Variants in VEPH1 observed in about 807,000 individuals in gnomAD.
VEPH1 encodes ventricular zone-expressed PH domain-containing protein homolog 1.
Under a neutral mutation model 85.2 loss-of-function variants are expected in VEPH1, and 80 were observed. The ratio of observed to expected loss-of-function variants is 0.94; its 90% confidence interval spans 0.78 to 1.13. The LOEUF (loss-of-function observed/expected upper bound fraction) is 1.13, where lower values mean the gene tolerates loss of function less well. VEPH1 is among the 50% of genes most tolerant of loss of function. VEPH1 has a pLI of 0.00. For synonymous variants in VEPH1, 297 were observed against 348.0 expected (o/e 0.85, Z 1.63); for missense variants, 955 against 980.5 (o/e 0.97, Z 0.35).
intron 4 of VEPH1, among the ~76,000 whole-genome samples, chr3:157,434,211 C>T (rs962247613): frequency 6.6e-6 from 1 of 152,082 alleles, no homozygotes; most frequent in African/African-American, 2.4e-5. Context: ...CTCTTCCTCC[C>T]CTCCAATTTA....
intron 6 of VEPH1, among the ~76,000 whole-genome samples, chr3:157,383,807 T>C (rs892303682): frequency 3.3e-5 from 5 of 152,226 alleles, no homozygotes; most frequent in Admixed American, 1.3e-4. Flanking sequence ...AATATGTTCC[T>C]GGAGACCCTG....
intron 6 of VEPH1, among the ~76,000 whole-genome samples, chr3:157,410,982 T>G (rs1482916378): frequency 6.6e-6 from 1 of 152,188 alleles, no homozygotes; most frequent in Non-Finnish European, 1.5e-5. Context: ...CATGCTCCAG[T>G]CTGCCTTGCA....
intron 5 of VEPH1, among the ~76,000 whole-genome samples, chr3:157,427,898 C>T (rs1047586993): frequency 1.8e-4 from 28 of 152,164 alleles, no homozygotes; most frequent in African/African-American, 6.3e-4. Flanking sequence ...AGCAGATTGC[C>T]CCTGCAATAT....
At chr3:157,416,313 T>G (rs1731906194) in intron 5 of VEPH1, among the ~76,000 whole-genome samples, 1 of 152,146 alleles carries the variant, frequency 6.6e-6, no homozygotes, top group Admixed American at 6.5e-5. Context: ...TAACTAAAAT[T>G]ATCCTATATA....
At chr3:157,442,419 G>A (rs776081317) in intron 4 of VEPH1, 49 of 1,613,830 alleles carry the variant, frequency 3.0e-5, no homozygotes, top group African/African-American at 9.3e-5. Context: ...TTTTGGAAGC[G>A]TGCATCCAGT....
intron 9 of VEPH1, among the ~76,000 whole-genome samples, chr3:157,345,097 C>G (rs571493449): frequency 6.6e-6 from 1 of 152,052 alleles, no homozygotes; most frequent in Non-Finnish European, 1.5e-5. Context: ...TAGGCAATAC[C>G]ATTCAGGACA....
intron 4 of VEPH1, among the ~76,000 whole-genome samples, chr3:157,454,009 T>A (rs1735174627): frequency 6.6e-6 from 1 of 152,218 alleles, no homozygotes; most frequent in Non-Finnish European, 1.5e-5. Context: ...GAAAAAGCAT[T>A]TTTTAAAAAC....
At chr3:157,376,813 C>A (rs1057293072) in intron 7 of VEPH1, among the ~76,000 whole-genome samples, 1 of 152,130 alleles carries the variant, frequency 6.6e-6, no homozygotes, top group Non-Finnish European at 1.5e-5. Flanking sequence ...TAAAATCTGG[C>A]CTGCTGGGCT....
At chr3:157,321,843 T>C (rs1242902154) in intron 9 of VEPH1, among the ~76,000 whole-genome samples, 1 of 152,198 alleles carries the variant, frequency 6.6e-6, no homozygotes, top group East Asian at 1.9e-4. Flanking sequence ...TTAATTTGCT[T>C]ATTAACTTTC....
Position 157,272,240 on chromosome 3 carries a change from TCTTCCTTCCTTCCTTCCTTC to T in VEPH1, c.2129-6598_2129-6579del, listed in dbSNP as rs59176910. ...TTTCCTGGGTGTTTGTCTCTTTTCT[TCTTCCTTCCTTCCTTCCTTC>T]CTTCCTTCCTTCCTTCCTTCCTTCC... On this transcript the variant is annotated intron_variant, in intron 12 of 13. Coordinates refer to ENST00000362010, the MANE Select transcript of VEPH1 (RefSeq NM_001167912.2). Among the ~76,000 whole-genome samples, 945 of 137,308 alleles carry T rather than the reference TCTTCCTTCCTTCCTTCCTTC, an allele frequency of 6.9e-3. 20 individuals are homozygous for T. Among genetic ancestry groups the T allele is most frequent in the African/African-American group, 0.024 (882 of 36,196 alleles). The allele number at this position is 137,308 out of a possible 152,430, so 90.1% of individuals were successfully genotyped here.
chr3:157,369,920 G>A (rs1256522457), intron 7 of VEPH1, among the ~76,000 whole-genome samples: 1 of 152,144 alleles, frequency 6.6e-6, no homozygotes, highest in South Asian at 2.1e-4. Context: ...TCATAGAGTG[G>A]TGGGGGCAGG....
At chr3:157,344,389 C>T (rs933097525) in intron 9 of VEPH1, among the ~76,000 whole-genome samples, 2 of 152,048 alleles carry the variant, frequency 1.3e-5, no homozygotes, top group Non-Finnish European at 2.9e-5. Context: ...CAATAACAGA[C>T]AAACAGAGAG....
intron 12 of VEPH1, among the ~76,000 whole-genome samples, chr3:157,267,101 TC>T (rs376501666): frequency 1.8e-4 from 19 of 106,494 alleles, no homozygotes; most frequent in African/African-American, 5.0e-4. Flanking sequence ...TTCTTTTTTT[TC>T]TTTTTTTTTT....
intron 5 of VEPH1, among the ~76,000 whole-genome samples, chr3:157,416,471 G>A (rs1282892847): frequency 6.6e-6 from 1 of 152,176 alleles, no homozygotes; most frequent in Non-Finnish European, 1.5e-5. Flanking sequence ...AGCCATGCGA[G>A]GTCCCTGGCA....
chr3:157,376,306 A>T (rs185278321), intron 7 of VEPH1, among the ~76,000 whole-genome samples: 1 of 152,032 alleles, frequency 6.6e-6, no homozygotes, highest in Non-Finnish European at 1.5e-5. Context: ...CGCCACATTC[A>T]TTTGGCAAAG....
At chr3:157,381,125 C>A in intron 7 of VEPH1, 31 bp downstream of exon 7, 1 of 1,609,004 alleles carries the variant, frequency 6.2e-7, no homozygotes, top group Non-Finnish European at 8.5e-7. Context: ...TGCACAGCAG[C>A]TCCCTGAGGT....
intron 12 of VEPH1, among the ~76,000 whole-genome samples, chr3:157,269,642 G>GGTT (rs1714253277): frequency 8.7e-6 from 1 of 115,456 alleles, no homozygotes; most frequent in Non-Finnish European, 1.7e-5. Flanking sequence ...TGTTTTTGTT[G>GGTT]TTTTTTTTTT....
In VEPH1 at chr3:157,473,440, C is replaced by T. The variant is rs545310691; in HGVS notation, c.139-2911G>A. On this transcript the variant is annotated intron_variant, in intron 2 of 13. Transcript: ENST00000362010. The stretch of plus-strand genomic sequence containing the variant: ...TAATTATGATAAATTTTCAATTCAT[C>T]ATCTTGGGTTTTCTAAAAAGATTTT... Among the ~76,000 whole-genome samples, 4 of 152,210 alleles carry T rather than the reference C, an allele frequency of 2.6e-5. No homozygotes were observed. In the South Asian group the frequency reaches 6.2e-4, roughly 24 times the overall value.
intron 6 of VEPH1, among the ~76,000 whole-genome samples, chr3:157,399,628 A>AT (rs1322543234): frequency 2.0e-5 from 3 of 152,158 alleles, no homozygotes; most frequent in Admixed American, 6.5e-5. Context: ...CAATTAAAAA[A>AT]TTTCATTCTT....
Sources: gnomAD v4.1 joint callset for allele counts (sites outside exome capture counted in the v4.1 genomes callset) on GRCh38, gnomAD v4.1.1 for gene constraint, MANE v1.5 for transcripts, NCBI Gene and HGNC (gene_info 2026-07-23, HGNC 2026-07-21) for gene names.